The following MASP2 variants were observed in gnomAD, a reference collection of about 807,000 sequenced individuals.
MASP2 encodes the protein mannan-binding lectin serine protease 2.
MASP2 carries 49 observed loss-of-function variants against 57.1 expected under a neutral mutation model. That is an observed-to-expected ratio of 0.86 (90% CI 0.68 to 1.09). The LOEUF (loss-of-function observed/expected upper bound fraction) is 1.09, where lower values mean the gene tolerates loss of function less well. Among genes scored for constraint, MASP2 ranks in the 50% least tolerant of loss-of-function variants. The pLI is 0.00. For missense variants in MASP2, 900 were observed against 874.8 expected, an observed-to-expected ratio of 1.03 and a Z score of -0.36; for synonymous variants, 379 against 340.8, an observed-to-expected ratio of 1.11 and a Z score of -1.24.
At chr1:11,043,557 G>C (rs1201958724) in intron 4 of MASP2, 22 bp from the exon 5 acceptor site, 1 of 1,562,602 alleles carries the variant, frequency 6.4e-7, no homozygotes, top group Non-Finnish European at 8.7e-7. Flanking sequence ...GAAGGCAGGG[G>C]AGTGACTTGG....
At chr1:11,037,277 C>T (rs570258100) in intron 7 of MASP2, among the ~76,000 whole-genome samples, 42 of 150,230 alleles carry the variant, frequency 2.8e-4, no homozygotes, top group Middle Eastern at 6.8e-3. Flanking sequence ...TTAGTGGAGA[C>T]GGGGTTTCAC....
chr1:11,041,599 G>GTGGATGGATGGATGGA (rs555313272), intron 6 of MASP2, among the ~76,000 whole-genome samples: 17 of 117,470 alleles, frequency 1.4e-4, no homozygotes, highest in Admixed American at 1.1e-3. Flanking sequence ...TGGATGGATG[G>GTGGATGGATGGATGGA]TGGATGGATG....
chr1:11,037,201 C>T (rs1054618237), intron 7 of MASP2, among the ~76,000 whole-genome samples: 3 of 152,040 alleles, frequency 2.0e-5, no homozygotes, highest in African/African-American at 7.3e-5. Flanking sequence ...TACAGGCGCC[C>T]GCCACCTAAT....
chr1:11,045,568 G>A (rs756093882), intron 3 of MASP2, 29 bp from the exon 4 acceptor site: 10 of 1,588,020 alleles, frequency 6.3e-6, no homozygotes, highest in East Asian at 4.5e-5. Context: ...CAGGCAGGCC[G>A]TCAGGAGGGA....
At position 11,041,423 on chromosome 1, in the gene MASP2, G is replaced by GATGGATGA. The variant is rs1570751223; in HGVS notation, c.889+1451_889+1452insTCATCCAT. ...GGATGAGTGGATGGATGGATGGATGGATGGATGGATGGATTGGTAGGTAGA... is the reference window on the plus strand; with the variant it reads ...GGATGAGTGGATGGATGGATGGATGGATGGATGAATGGATGGATGGATTGGTAGGTAGA... On this transcript the variant is annotated intron_variant, in intron 6 of 10. Coordinates refer to ENST00000400897, the MANE Select transcript of MASP2 (RefSeq NM_006610.4). Among the ~76,000 whole-genome samples the GATGGATGA allele has an allele frequency of 2.1e-5, 3 of 145,364 alleles. No individual in the cohort carries two copies. In the East Asian group the frequency reaches 6.3e-4, roughly 31 times the overall value.
Position 11,026,553 on chromosome 1 carries a change from A to T in MASP2, c.*332T>A, listed in dbSNP as rs1557663469. 2 of 191,166 alleles carry T rather than the reference A, an allele frequency of 1.0e-5. No homozygotes were observed. Among genetic ancestry groups the T allele is most frequent in the Non-Finnish European group, 2.1e-5 (2 of 94,808 alleles). 11.8% of individuals were successfully genotyped at this position (191,166 alleles called of 1,614,324 possible). Reference sequence around the variant, plus strand: ...AAGAACAAGTTTAAAAACAAAGAGCATGGACAGGCAGTTTACAGAAATGCC... The same window carrying T: ...AAGAACAAGTTTAAAAACAAAGAGCTTGGACAGGCAGTTTACAGAAATGCC... On this transcript the variant is annotated 3_prime_UTR_variant, in exon 11 of 11. Transcript: ENST00000400897.
At chr1:11,038,505 C>A (rs1638319413) in intron 6 of MASP2, among the ~76,000 whole-genome samples, 1 of 152,198 alleles carries the variant, frequency 6.6e-6, no homozygotes, top group Non-Finnish European at 1.5e-5. Context: ...AAACCCTGGC[C>A]TCCACTCACC....
intron 10 of MASP2, 154 bp downstream of exon 10, chr1:11,030,022 G>A (rs1175104072): frequency 1.7e-6 from 1 of 580,842 alleles, no homozygotes; most frequent in Non-Finnish European, 3.0e-6. Flanking sequence ...TGGGAAGGGG[G>A]TAATGAGAAC....
chr1:11,045,639 G>A, intron 3 of MASP2, 100 bp from the exon 4 acceptor site: 1 of 1,362,638 alleles, frequency 7.3e-7, no homozygotes, highest in Non-Finnish European at 9.9e-7. Context: ...GTGGACCTCA[G>A]AGGAGGCCTC....
intron 6 of MASP2, among the ~76,000 whole-genome samples, chr1:11,039,759 G>A (rs1039187138): frequency 1.3e-5 from 2 of 150,782 alleles, no homozygotes; most frequent in Non-Finnish European, 3.0e-5. Context: ...TAGATAGAAG[G>A]ATGTGTGGGT....
chr1:11,045,291 A>C (rs532027397), intron 4 of MASP2, 117 bp downstream of exon 4: 2 of 1,482,486 alleles, frequency 1.3e-6, no homozygotes, highest in East Asian at 4.5e-5. Context: ...CAGGGCCTAG[A>C]AGCACCCAGT....
intron 5 of MASP2, 63 bp downstream of exon 5, chr1:11,043,276 T>G: frequency 1.4e-6 from 2 of 1,408,280 alleles, no homozygotes; most frequent in South Asian, 1.3e-5. Context: ...CTGCAGGAAG[T>G]AGGGGGTGCA....
intron 8 of MASP2, among the ~76,000 whole-genome samples, chr1:11,031,696 A>C (rs1207545359): frequency 6.6e-6 from 1 of 152,034 alleles, no homozygotes; most frequent in African/African-American, 2.4e-5. Flanking sequence ...TGGGAGGCCA[A>C]AGTGGGAGGG....
At chr1:11,037,668 C>T (rs1387908654) in intron 7 of MASP2, 25 bp downstream of exon 7, 2 of 1,395,428 alleles carry the variant, frequency 1.4e-6, no homozygotes, top group Non-Finnish European at 2.0e-6. Context: ...CGTCATTGAT[C>T]GTGGTGTACT....
At position 11,045,514 on chromosome 1, in the gene MASP2, CG is replaced by C; in HGVS notation, c.437del (p.Pro146ArgfsTer129). 6.2e-7 allele frequency: 1 copy of C among 1,608,682 alleles called. No individual in the cohort carries two copies. Among genetic ancestry groups the C allele is most frequent in the Admixed American group, 1.7e-5 (1 of 59,874 alleles). On this transcript the variant is annotated frameshift_variant, in exon 4 of 11. Coordinates refer to ENST00000400897, the MANE Select transcript of MASP2 (RefSeq NM_006610.4). LOFTEE classifies it high-confidence loss of function. ...AEDIDECQVAPGEAPTCDHHC... is the reference protein window; with the variant it reads ...AEDIDECQVAXGEAPTCDHHC... ...GGTGGTCGCAGGTGGGCGCCTCTCC[CG>C]GGGCCACCTGGCACTCGTCAATGTC... is the stretch of plus-strand genomic sequence containing the variant.
At chr1:11,033,945 ACACACACACACACACACACACTCT>A (rs1261056580) in intron 8 of MASP2, among the ~76,000 whole-genome samples, 3 of 50,908 alleles carry the variant, frequency 5.9e-5, no homozygotes, top group Admixed American at 2.0e-4. Flanking sequence ...ACACACACAC[ACACACACACACACACACACACTCT>A]CTCTCTCTCT....
intron 7 of MASP2, among the ~76,000 whole-genome samples, chr1:11,035,624 G>A (rs569135439): frequency 1.3e-5 from 2 of 152,214 alleles, no homozygotes; most frequent in East Asian, 3.9e-4. Flanking sequence ...ACCAGGCGCA[G>A]TGGTTCACAC....
chr1:11,037,688 C>T lies in MASP2; in HGVS notation c.1008+5G>A. The T allele has an allele frequency of 6.3e-7, 1 of 1,585,784 alleles. No individual in the cohort carries two copies. The highest frequency in any genetic ancestry group is 8.6e-7 in the Non-Finnish European group (1 of 1,161,576). On this transcript the variant is annotated splice_donor_5th_base_variant and intron_variant, in intron 7 of 10. Transcript: ENST00000400897. ...TTGATCGTGGTGTACTTTGTTTTAA[C>T]TCACTTGCAGAAGCTCATAGCCAGT...
intron 10 of MASP2, among the ~76,000 whole-genome samples, chr1:11,028,703 TTTC>T (rs571897846): frequency 0.5 from 17,996 of 35,648 alleles, 3,273 homozygotes; most frequent in African/African-American, 0.61. Flanking sequence ...CTGGGTTTTT[TTTC>T]TTTTTTTTTT....
Sources: gnomAD v4.1 joint callset for allele counts (sites outside exome capture counted in the v4.1 genomes callset) on GRCh38, gnomAD v4.1.1 for gene constraint, MANE v1.5 for transcripts, NCBI Gene and HGNC (gene_info 2026-07-23, HGNC 2026-07-21) for gene names.